BCL2L13: variants seen among roughly 807,000 people sequenced by gnomAD.
The protein encoded by BCL2L13 is bcl-2-like protein 13.
In BCL2L13, 13 loss-of-function variants were observed where a neutral mutation model predicts 25.8. The observed-to-expected ratio is 0.50, with a 90% CI of 0.33 to 0.80. BCL2L13 has a LOEUF of 0.80. Ranked by LOEUF, BCL2L13 falls within the 30% of genes least tolerant of loss-of-function variation. BCL2L13 has a pLI of 0.02. For missense variants in BCL2L13, 504 were observed against 574.9 expected (o/e 0.88, Z 1.26); for synonymous variants, 244 against 230.3 (o/e 1.06, Z -0.54).
In BCL2L13 at chr22:17,722,388, T is replaced by C. The variant is rs868480744; in HGVS notation, c.601-4289T>C. Among the ~76,000 whole-genome samples, 535 of 144,938 alleles carry C rather than the reference T, an allele frequency of 3.7e-3. 10 individuals are homozygous for C. Among genetic ancestry groups the C allele is most frequent in the African/African-American group, 0.014 (479 of 35,426 alleles). On this transcript the variant is annotated intron_variant, in intron 6 of 6. Coordinates refer to ENST00000317582, the MANE Select transcript of BCL2L13 (RefSeq NM_015367.4). ...AGATGAGACTACAGGGGTGTGTGTGTGTGTGTGTGTGTGTGTGTGTGTGTG... is the reference window on the plus strand; with the variant it reads ...AGATGAGACTACAGGGGTGTGTGTGCGTGTGTGTGTGTGTGTGTGTGTGTG...
chr22:17,695,809 G>T, intron 4 of BCL2L13: 1 of 185,964 alleles, frequency 5.4e-6, no homozygotes, highest in Non-Finnish European at 1.1e-5. Flanking sequence ...GATCATTTTT[G>T]TTATTATTTT....
At chr22:17,711,315 T>TTTTTTTTTTTTTTTTTTA in intron 6 of BCL2L13, among the ~76,000 whole-genome samples, 1 of 150,596 alleles carries the variant, frequency 6.6e-6, no homozygotes, top group Non-Finnish European at 1.5e-5. Flanking sequence ...TTTTTTTTTT[T>TTTTTTTTTTTTTTTTTTA]GAGACAGGGT....
intron 5 of BCL2L13, among the ~76,000 whole-genome samples, chr22:17,698,017 T>G (rs2060316224): frequency 6.6e-6 from 1 of 152,092 alleles, no homozygotes; most frequent in Admixed American, 6.6e-5. Context: ...GGTTTCACTG[T>G]GTTGGCCAGG....
At chr22:17,671,014 A>G (rs1219308016) in intron 2 of BCL2L13, among the ~76,000 whole-genome samples, 1 of 152,186 alleles carries the variant, frequency 6.6e-6, no homozygotes, top group African/African-American at 2.4e-5. Flanking sequence ...TAATGCCAGC[A>G]CTTTGGGAGG....
chr22:17,639,764 C>G (rs1431617557), intron 1 of BCL2L13, among the ~76,000 whole-genome samples: 1 of 152,108 alleles, frequency 6.6e-6, no homozygotes, highest in Non-Finnish European at 1.5e-5. Flanking sequence ...TATAAGATTT[C>G]CTCTGGAGGT....
At chr22:17,694,318 T>C (rs911413186) in intron 4 of BCL2L13, among the ~76,000 whole-genome samples, 8 of 152,008 alleles carry the variant, frequency 5.3e-5, no homozygotes, top group Non-Finnish European at 5.9e-5. Flanking sequence ...GACTAGGACT[T>C]ACATAGAAAT....
intron 1 of BCL2L13, among the ~76,000 whole-genome samples, chr22:17,644,334 C>CT (rs34881981): frequency 0.17 from 24,305 of 139,348 alleles, 2,556 homozygotes; most frequent in Non-Finnish European, 0.23. Flanking sequence ...TTTAATAATT[C>CT]TTTTTTTTTT....
chr22:17,676,345 C>G (rs2059576181), intron 2 of BCL2L13, among the ~76,000 whole-genome samples: 1 of 152,190 alleles, frequency 6.6e-6, no homozygotes, highest in South Asian at 2.1e-4. Context: ...CGCCTGTACT[C>G]CCAGCTACTT....
intron 1 of BCL2L13, among the ~76,000 whole-genome samples, chr22:17,651,444 C>T (rs529852114): frequency 4.4e-4 from 66 of 149,732 alleles, no homozygotes; most frequent in African/African-American, 1.5e-3. Context: ...GTGCAATGAC[C>T]GATCTCAGCT....
At chr22:17,657,428 A>G (rs866089691) in intron 2 of BCL2L13, among the ~76,000 whole-genome samples, 1 of 152,168 alleles carries the variant, frequency 6.6e-6, no homozygotes, top group Non-Finnish European at 1.5e-5. Context: ...GAAGACGTAC[A>G]TGATCCTGTC....
intron 6 of BCL2L13, among the ~76,000 whole-genome samples, chr22:17,714,525 A>G (rs2060857914): frequency 6.6e-6 from 1 of 152,198 alleles, no homozygotes; most frequent in South Asian, 2.1e-4. Context: ...GTATGGTCAC[A>G]TTTTGAAGTA....
In BCL2L13 at chr22:17,727,225, A is replaced by G; in HGVS notation, c.1149A>G (p.Glu383=). ...CTCTGTTTGTAGAACTTGATGAAGAAGAGGTGAAAGCAGCAACAACTGAAC... is the reference window on the plus strand; with the variant it reads ...CTCTGTTTGTAGAACTTGATGAAGAGGAGGTGAAAGCAGCAACAACTGAAC... ...ATSLFVELDE[E]EVKAATTEPT... The change falls in exon 7 of 7, where the codon GAA becomes GAG. Residue 383 remains glutamate, a synonymous_variant. Coordinates refer to ENST00000317582, the MANE Select transcript of BCL2L13 (RefSeq NM_015367.4). 6.2e-7 allele frequency: 1 copy of G among 1,614,256 alleles called. No individual in the cohort carries two copies. Among genetic ancestry groups the G allele is most frequent in the Non-Finnish European group, 8.5e-7 (1 of 1,180,040 alleles).
chr22:17,723,656 C>T (rs75046754), intron 6 of BCL2L13, among the ~76,000 whole-genome samples: 2,252 of 152,264 alleles, frequency 0.015, 57 homozygotes, highest in African/African-American at 0.051. Flanking sequence ...TACCTCGGGC[C>T]GGGCGCGGTG....
intron 5 of BCL2L13, among the ~76,000 whole-genome samples, 173 bp from the exon 6 acceptor site, chr22:17,702,070 A>G: frequency 6.6e-6 from 1 of 152,188 alleles, no homozygotes; most frequent in East Asian, 1.9e-4. Context: ...TATAAAACCT[A>G]CATGCAGTAT....
intron 1 of BCL2L13, among the ~76,000 whole-genome samples, chr22:17,654,710 C>T (rs1401624382): frequency 6.6e-6 from 1 of 151,864 alleles, no homozygotes; most frequent in Non-Finnish European, 1.5e-5. Context: ...AGGTGTGAGC[C>T]ACCGCACCTG....
chr22:17,709,128 C>T (rs1049772033), intron 6 of BCL2L13, among the ~76,000 whole-genome samples: 8 of 151,946 alleles, frequency 5.3e-5, no homozygotes, highest in Admixed American at 2.6e-4. Context: ...CCCAGCTACT[C>T]GGGAGGCTGA....
chr22:17,683,439 A>G, intron 3 of BCL2L13, 118 bp downstream of exon 3: 2 of 597,468 alleles, frequency 3.3e-6, no homozygotes, highest in Non-Finnish European at 5.8e-6. Flanking sequence ...TACACCAATT[A>G]TACATTGGTA....
intron 2 of BCL2L13, among the ~76,000 whole-genome samples, chr22:17,657,823 C>T (rs865996801): frequency 1.4e-3 from 118 of 85,728 alleles, no homozygotes; most frequent in East Asian, 3.2e-3. Context: ...GTTGACATTT[C>T]TTTTTTTTTT....
chr22:17,647,060 G>A (rs1260840851), intron 1 of BCL2L13, among the ~76,000 whole-genome samples: 2 of 144,160 alleles, frequency 1.4e-5, no homozygotes, highest in African/African-American at 5.1e-5. Flanking sequence ...TGCAAGCTCC[G>A]CCTCCCGGGT....
Sources: gnomAD v4.1 joint callset for allele counts (sites outside exome capture counted in the v4.1 genomes callset) on GRCh38, gnomAD v4.1.1 for gene constraint, MANE v1.5 for transcripts, NCBI Gene and HGNC (gene_info 2026-07-23, HGNC 2026-07-21) for gene names.